The following PRELID2 variants were observed in gnomAD, a reference collection of about 807,000 sequenced individuals.
PRELID2 encodes the protein PRELI domain containing 2.
PRELID2 carries 25 observed loss-of-function variants against 28.4 expected under a neutral mutation model. The observed-to-expected ratio is 0.88, with a 90% CI of 0.64 to 1.23. The LOEUF (loss-of-function observed/expected upper bound fraction) is 1.23, where lower values mean the gene tolerates loss of function less well. Ranked by LOEUF, PRELID2 falls within the 50% of genes most tolerant of loss-of-function variation. PRELID2 has a pLI of 0.00. For missense variants in PRELID2, 201 were observed against 214.4 expected (o/e 0.94, Z 0.39); for synonymous variants, 76 against 71.6 (o/e 1.06, Z -0.31).
At chr5:145,473,454 T>C (rs1253903850) in intron 1 of PRELID2, 1 of 152,190 alleles carries the variant, frequency 6.6e-6, no homozygotes, top group Non-Finnish European at 1.5e-5. Flanking sequence ...ATACGGATGA[T>C]GTCATTAATC....
At position 145,570,216 on chromosome 5, in the gene PRELID2, T is replaced by C. The variant is rs1050581841; in HGVS notation, n.71-96901A>G. On this transcript the variant is annotated intron_variant and non_coding_transcript_variant, in intron 1 of 2. Transcript: ENST00000510259. ...CTTAACTAGATTACCTCTTTCAGTC[T>C]ATGGCACTGGGGGTTAGGACATCAA... is the stretch of plus-strand genomic sequence containing the variant. Among the ~76,000 whole-genome samples the C allele has an allele frequency of 8.5e-5, 13 of 152,304 alleles. No homozygotes were observed. The South Asian group carries it at 2.7e-3, about 32-fold the overall frequency.
At chr5:145,664,186 T>C (rs1169943369) in intron 1 of PRELID2, among the ~76,000 whole-genome samples, 1 of 152,164 alleles carries the variant, frequency 6.6e-6, no homozygotes, top group South Asian at 2.1e-4. Flanking sequence ...TTTATATACA[T>C]TATTGTGTCC....
At chr5:145,408,804 A>G in the PRELID2 span, among the ~76,000 whole-genome samples, 7 of 152,266 alleles carry the variant, frequency 4.6e-5, no homozygotes, top group South Asian at 1.5e-3. Context: ...TTGAGGGAAA[A>G]ATTGAGGAAA....
the PRELID2 span, among the ~76,000 whole-genome samples, chr5:145,287,779 C>T: frequency 6.6e-6 from 1 of 151,996 alleles, no homozygotes. Context: ...TCTAGTTGTA[C>T]CTGATGTTCT....
the PRELID2 span, among the ~76,000 whole-genome samples, chr5:145,233,328 A>C: frequency 1.3e-5 from 2 of 152,144 alleles, no homozygotes; most frequent in Non-Finnish European, 2.9e-5. Flanking sequence ...CCACACATAC[A>C]TAGTATTCCA....
intron 6 of PRELID2, among the ~76,000 whole-genome samples, chr5:145,763,983 G>A (rs1174837703): frequency 6.6e-6 from 1 of 152,064 alleles, no homozygotes; most frequent in African/African-American, 2.4e-5. Context: ...GACTGAAGCA[G>A]GAGAATGGCT....
At chr5:145,320,477 T>C in the PRELID2 span, among the ~76,000 whole-genome samples, 17 of 152,020 alleles carry the variant, frequency 1.1e-4, no homozygotes, top group African/African-American at 4.1e-4. Flanking sequence ...GTTTCACCAT[T>C]TTAGCCGGGA....
the PRELID2 span, among the ~76,000 whole-genome samples, chr5:145,409,635 C>A: frequency 6.6e-6 from 1 of 151,236 alleles, no homozygotes; most frequent in Non-Finnish European, 1.5e-5. Context: ...AAGAGAGGGC[C>A]AGGTGTGGTG....
chr5:145,548,415 G>A (rs1752805261), intron 1 of PRELID2, among the ~76,000 whole-genome samples: 1 of 152,154 alleles, frequency 6.6e-6, no homozygotes, highest in South Asian at 2.1e-4. Flanking sequence ...TTGGCCACAT[G>A]AAAACAAAAT....
rs1019175455 is a variant in PRELID2 at position 145,555,919 on chromosome 5, G to A, written n.71-82604C>T. ...AACTTGTGCTCAGGCCAGACATGGTGGCTCATGATTGTAATCATAGAACTT... is the reference window on the plus strand; with the variant it reads ...AACTTGTGCTCAGGCCAGACATGGTAGCTCATGATTGTAATCATAGAACTT... On this transcript the variant is annotated intron_variant and non_coding_transcript_variant, in intron 1 of 2. Transcript: ENST00000510259. Among the ~76,000 whole-genome samples, 9 of 152,042 alleles carry A rather than the reference G, an allele frequency of 5.9e-5. No homozygotes were observed. The South Asian group carries it at 1.9e-3, about 32-fold the overall frequency.
chr5:145,389,693 T>G, the PRELID2 span, among the ~76,000 whole-genome samples: 1 of 151,946 alleles, frequency 6.6e-6, no homozygotes, highest in African/African-American at 2.4e-5. Context: ...GGCATACAAA[T>G]TTGGAAGGAA....
chr5:145,592,304 G>A (rs983849034), intron 1 of PRELID2, among the ~76,000 whole-genome samples: 2 of 151,880 alleles, frequency 1.3e-5, no homozygotes, highest in African/African-American at 2.4e-5. Context: ...TTCTCTACTC[G>A]GGATGCTGAG....
chr5:145,648,752 T>C (rs1754238977), intron 1 of PRELID2, among the ~76,000 whole-genome samples: 1 of 150,092 alleles, frequency 6.7e-6, no homozygotes, highest in Non-Finnish European at 1.5e-5. Context: ...TCCTTTACTC[T>C]TTCTCTGAGC....
At chr5:145,824,469 T>TGTGTGTGTGA (rs1554100823) in intron 1 of PRELID2, among the ~76,000 whole-genome samples, 34 of 144,218 alleles carry the variant, frequency 2.4e-4, no homozygotes, top group Middle Eastern at 7.4e-3. Flanking sequence ...TGTGTGATAT[T>TGTGTGTGTGA]GATTTATTAA....
At chr5:145,822,176 T>C (rs1056878859) in intron 2 of PRELID2, among the ~76,000 whole-genome samples, 1 of 152,122 alleles carries the variant, frequency 6.6e-6, no homozygotes, top group Non-Finnish European at 1.5e-5. Context: ...TCCCCAAAGC[T>C]TTGTACATTG....
rs78713007 is a variant in PRELID2, at chr5:145,672,804, G to A, written n.70+92127C>T. On this transcript the variant is annotated intron_variant and non_coding_transcript_variant, in intron 1 of 2. Coordinates refer to the PRELID2 transcript ENST00000510259. Reference sequence around the variant, plus strand: ...TCACCATCAATTCCCTAACTTTAAAGGAATCTTGATCTTTCCACTGAATGC... The same window carrying A: ...TCACCATCAATTCCCTAACTTTAAAAGAATCTTGATCTTTCCACTGAATGC... 5.8e-3 allele frequency among the ~76,000 whole-genome samples: 880 copies of A among 152,258 alleles called. 15 individuals are homozygous for A. Among genetic ancestry groups the A allele is most frequent in the African/African-American group, 0.02 (824 of 41,546 alleles).
At chr5:145,664,829 T>C (rs1754557549) in intron 1 of PRELID2, among the ~76,000 whole-genome samples, 1 of 152,096 alleles carries the variant, frequency 6.6e-6, no homozygotes, top group African/African-American at 2.4e-5. Context: ...AGTGGACTCC[T>C]GCTACAAGGA....
intron 1 of PRELID2, among the ~76,000 whole-genome samples, chr5:145,496,801 T>C (rs1473203110): frequency 6.6e-6 from 1 of 152,146 alleles, no homozygotes; most frequent in African/African-American, 2.4e-5. Context: ...TGGTCCTTCA[T>C]AGGTGTTGGC....
At chr5:145,297,033 G>A in the PRELID2 span, among the ~76,000 whole-genome samples, 2 of 151,986 alleles carry the variant, frequency 1.3e-5, no homozygotes, top group Non-Finnish European at 2.9e-5. Context: ...ACTTTTTGAT[G>A]GGGTTGTTTG....
Sources: gnomAD v4.1 joint callset for allele counts (sites outside exome capture counted in the v4.1 genomes callset) on GRCh38, gnomAD v4.1.1 for gene constraint, MANE v1.5 for transcripts, NCBI Gene and HGNC (gene_info 2026-07-23, HGNC 2026-07-21) for gene names.